FAM114A2: variants seen among roughly 807,000 people sequenced by gnomAD.
The protein encoded by FAM114A2 is family with sequence similarity 114 member A2, also known as protein FAM114A2.
FAM114A2 carries 53 observed loss-of-function variants against 58.4 expected under a neutral mutation model. The ratio of observed to expected loss-of-function variants is 0.91; its 90% CI spans 0.73 to 1.14. FAM114A2 has a LOEUF of 1.14. Ranked by LOEUF, FAM114A2 falls within the 50% of genes most tolerant of loss-of-function variation. The pLI, the probability that FAM114A2 is intolerant of heterozygous loss-of-function variation, is 0.00. For missense variants in FAM114A2, 601 were observed against 581.1 expected (o/e 1.03, Z -0.35); for synonymous variants, 228 against 211.4 (o/e 1.08, Z -0.68).
At chr5:154,026,554 A>G (rs1198926744) in intron 7 of FAM114A2, 32 bp from the exon 8 acceptor site, 4 of 1,397,032 alleles carry the variant, frequency 2.9e-6, no homozygotes, top group Non-Finnish European at 3.8e-6. Flanking sequence ...ATGTTGTAGG[A>G]GTATGAAAGA....
At chr5:154,012,083 G>T (rs1478796251) in intron 8 of FAM114A2, among the ~76,000 whole-genome samples, 2 of 152,124 alleles carry the variant, frequency 1.3e-5, no homozygotes, top group Non-Finnish European at 2.9e-5. Context: ...AGGCGGAAAA[G>T]AAGAGAGGCA....
chr5:154,038,697 A>T (rs990097954), intron 1 of FAM114A2, 160 bp downstream of exon 1: 1 of 152,126 alleles, frequency 6.6e-6, no homozygotes, highest in African/African-American at 2.4e-5. Flanking sequence ...TCCTCACACA[A>T]ACGTAGCGCT....
intron 8 of FAM114A2, among the ~76,000 whole-genome samples, chr5:154,017,560 A>G (rs1288355467): frequency 6.6e-6 from 1 of 152,188 alleles, no homozygotes; most frequent in African/African-American, 2.4e-5. Flanking sequence ...CAAAGAAACA[A>G]TGGATTTAAA....
chr5:153,997,778 T>C (rs12110000), intron 12 of FAM114A2, 25 bp downstream of exon 12: 20,674 of 1,338,750 alleles, frequency 0.015, 581 homozygotes, highest in African/African-American at 0.11. Flanking sequence ...CAAACATTAT[T>C]GCAGTAAGAG....
chr5:154,005,222 C>G (rs1770273702), intron 9 of FAM114A2, among the ~76,000 whole-genome samples: 1 of 152,176 alleles, frequency 6.6e-6, no homozygotes, highest in African/African-American at 2.4e-5. Context: ...GCACCCATAT[C>G]TCCTTTCTTT....
chr5:154,030,899 TTTATA>T (rs1772148344), intron 4 of FAM114A2, among the ~76,000 whole-genome samples: 1 of 152,130 alleles, frequency 6.6e-6, no homozygotes, highest in African/African-American at 2.4e-5. Flanking sequence ...AAGCAGAGAC[TTTATA>T]TTAAACACCT....
At chr5:154,038,593 T>A (rs1474904495) in intron 1 of FAM114A2, 1 of 152,218 alleles carries the variant, frequency 6.6e-6, no homozygotes, top group African/African-American at 2.4e-5. Context: ...GCGCTCTCAC[T>A]TCTTCCCACA....
At chr5:153,996,937 T>C (rs1446170305) in intron 12 of FAM114A2, among the ~76,000 whole-genome samples, 1 of 147,342 alleles carries the variant, frequency 6.8e-6, no homozygotes, top group Non-Finnish European at 1.5e-5. Flanking sequence ...GCAGAGGTTG[T>C]AGTGAGCTGA....
intron 6 of FAM114A2, 152 bp downstream of exon 6, chr5:154,027,997 T>C: frequency 1.7e-6 from 1 of 599,074 alleles, no homozygotes; most frequent in South Asian, 2.8e-5. Context: ...GCAGTAGAGC[T>C]CTCACCCATC....
intron 11 of FAM114A2, among the ~76,000 whole-genome samples, chr5:154,000,136 TA>T: frequency 6.6e-6 from 1 of 152,056 alleles, no homozygotes; most frequent in Non-Finnish European, 1.5e-5. Flanking sequence ...ATGTGGGAGC[TA>T]AAAAAACATG....
At chr5:154,030,796 C>T (rs901030649) in intron 4 of FAM114A2, among the ~76,000 whole-genome samples, 1 of 152,328 alleles carries the variant, frequency 6.6e-6, no homozygotes, top group African/African-American at 2.4e-5. Flanking sequence ...TGGGAGGCTC[C>T]ATAAGTCTGT....
chr5:154,025,912 T>C (rs1252094001), intron 8 of FAM114A2, among the ~76,000 whole-genome samples: 2 of 152,264 alleles, frequency 1.3e-5, no homozygotes, highest in South Asian at 2.1e-4. Context: ...TATTAAAATA[T>C]GGTATAAGAG....
At chr5:154,002,187 T>C (rs773325909) in intron 11 of FAM114A2, 64 bp downstream of exon 11, 2 of 1,506,890 alleles carry the variant, frequency 1.3e-6, no homozygotes, top group East Asian at 2.3e-5. Context: ...TTATAAAACT[T>C]TGGAAACAGG....
rs545024835 is a variant in FAM114A2 at position 153,991,345 on chromosome 5, T to C, written c.*1631A>G. On this transcript the variant is annotated 3_prime_UTR_variant, in exon 14 of 14. Transcript: ENST00000351797. Reference sequence around the variant, plus strand: ...AACAGACAGTAGGCAGAGTGACCAGTTTCTAAACTTTGCCCTCAAGGGATA... The same window carrying C: ...AACAGACAGTAGGCAGAGTGACCAGCTTCTAAACTTTGCCCTCAAGGGATA... 1 of 152,200 alleles carries C rather than the reference T, an allele frequency of 6.6e-6. No individual in the cohort carries two copies. Among genetic ancestry groups the C allele is most frequent in the Non-Finnish European group, 1.5e-5 (1 of 68,042 alleles). 9.4% of individuals were successfully genotyped at this position (152,200 alleles called of 1,614,324 possible).
At chr5:154,008,596 G>A (rs1770494885) in intron 9 of FAM114A2, among the ~76,000 whole-genome samples, 1 of 152,082 alleles carries the variant, frequency 6.6e-6, no homozygotes, top group South Asian at 2.1e-4. Context: ...CAGACTATGT[G>A]TATAAGGTAT....
At chr5:154,007,406 C>G (rs1044808610) in intron 9 of FAM114A2, among the ~76,000 whole-genome samples, 1 of 152,094 alleles carries the variant, frequency 6.6e-6, no homozygotes, top group Non-Finnish European at 1.5e-5. Flanking sequence ...GAACAAGAAT[C>G]AGAATCACAG....
rs754436402 is a variant in FAM114A2 at position 154,028,131 on chromosome 5, G to T, written c.630+18C>A. 6.3e-7 allele frequency: 1 copy of T among 1,595,512 alleles called. No homozygotes were observed. Among genetic ancestry groups the T allele is most frequent in the South Asian group, 1.1e-5 (1 of 88,578 alleles). ...TCAAAACAGAAACAGGAAGTAAACA[G>T]GTAAGGATAATCAGTACCTGAGATA... On this transcript the variant is annotated intron_variant, in intron 6 of 13. Transcript: ENST00000351797.
intron 6 of FAM114A2, 107 bp from the exon 7 acceptor site, chr5:154,027,441 G>GC: frequency 1.2e-6 from 1 of 836,982 alleles, no homozygotes; most frequent in Non-Finnish European, 1.7e-6. Context: ...ACAGAGGATT[G>GC]CCCTTTCATT....
In FAM114A2 at chr5:154,015,712, GTTCT is replaced by G. The variant is rs1434349313; in HGVS notation, c.914-4396_914-4393del. Among the ~76,000 whole-genome samples, 4 of 151,946 alleles carry G rather than the reference GTTCT, an allele frequency of 2.6e-5. No homozygotes were observed. In the East Asian group the frequency reaches 7.7e-4, roughly 29 times the overall value. On this transcript the variant is annotated intron_variant, in intron 8 of 13. Transcript: ENST00000351797. ...AACTCTGGTAATATGACAAAACAAG[GTTCT>G]TTAACACCCCCAAAAATCACACTAG...
Sources: allele counts gnomAD v4.1 joint callset (sites outside exome capture counted in the v4.1 genomes callset), GRCh38; gene constraint gnomAD v4.1.1; transcripts MANE v1.5; gene names NCBI Gene and HGNC (gene_info 2026-07-23, HGNC 2026-07-21).